The following NRXN1 variants were observed in gnomAD, a reference collection of about 807,000 sequenced individuals.
NRXN1 encodes the protein neurexin-1.
NRXN1 carries 39 observed loss-of-function variants against 150.9 expected under a neutral mutation model. The observed-to-expected ratio is 0.26, with a 90% CI of 0.20 to 0.34. NRXN1 has a LOEUF of 0.34. Ranked by LOEUF, NRXN1 falls within the 10% of genes least tolerant of loss-of-function variation. The pLI, the probability that NRXN1 is intolerant of heterozygous loss-of-function variation, is 1.00. For missense variants in NRXN1, 1,815 were observed against 1,949.9 expected (o/e 0.93, Z 1.30); for synonymous variants, 924 against 757.0 (o/e 1.22, Z -3.62).
intron 2 of NRXN1, among the ~76,000 whole-genome samples, chr2:50,948,220 A>C (rs962938676): frequency 6.6e-6 from 1 of 151,982 alleles, no homozygotes; most frequent in African/African-American, 2.4e-5. Flanking sequence ...AGAATTATTA[A>C]CATCTGAATA....
chr2:50,043,388 A>C (rs1175763845), intron 21 of NRXN1, among the ~76,000 whole-genome samples: 2 of 152,202 alleles, frequency 1.3e-5, no homozygotes, highest in Non-Finnish European at 2.9e-5. Context: ...GACCCTGTCA[A>C]GAAACATTAC....
chr2:49,971,020 C>T (rs1375196443), intron 21 of NRXN1, among the ~76,000 whole-genome samples: 1 of 152,070 alleles, frequency 6.6e-6, no homozygotes, highest in Admixed American at 6.6e-5. Flanking sequence ...GAATTAACAG[C>T]ACTAATTTTG....
intron 20 of NRXN1, among the ~76,000 whole-genome samples, chr2:50,054,296 C>T (rs1693261825): frequency 6.6e-6 from 1 of 151,848 alleles, no homozygotes; most frequent in Admixed American, 6.6e-5. Flanking sequence ...GAATGATACA[C>T]AAACCGATGG....
At chr2:50,810,911 C>T (rs913537662) in intron 5 of NRXN1, among the ~76,000 whole-genome samples, 4 of 151,428 alleles carry the variant, frequency 2.6e-5, no homozygotes, top group African/African-American at 7.3e-5. Flanking sequence ...ACTCGAGAGG[C>T]GGTGATTGCA....
chr2:50,971,704 A>G (rs1318973242), intron 2 of NRXN1, among the ~76,000 whole-genome samples: 1 of 152,148 alleles, frequency 6.6e-6, no homozygotes, highest in Non-Finnish European at 1.5e-5. Flanking sequence ...ACACACCTTC[A>G]AATTCTTTTT....
chr2:50,585,944 C>T (rs1488183709), intron 8 of NRXN1, among the ~76,000 whole-genome samples: 1 of 152,214 alleles, frequency 6.6e-6, no homozygotes, highest in Non-Finnish European at 1.5e-5. Flanking sequence ...TGGTAGGCAA[C>T]AACCATTTCA....
intron 17 of NRXN1, among the ~76,000 whole-genome samples, chr2:50,344,693 A>G (rs74424552): frequency 0.025 from 3,743 of 152,328 alleles, 72 homozygotes; most frequent in Non-Finnish European, 0.037. Flanking sequence ...TGACTGGGGC[A>G]GAAGCTTGCA....
chr2:50,397,195 C>T (rs1227455141), intron 17 of NRXN1, among the ~76,000 whole-genome samples: 1 of 152,058 alleles, frequency 6.6e-6, no homozygotes, highest in Non-Finnish European at 1.5e-5. Flanking sequence ...CTGGTCGATG[C>T]ATTTTGTAGT....
At position 50,053,491 on chromosome 2, in the gene NRXN1, T is replaced by C. The variant is rs370320873; in HGVS notation, c.3908A>G (p.Asn1303Ser). Residue 1303 changes from asparagine (N) to serine (S), a missense_variant, in exon 21 of 23, where the codon AAT becomes AGT. Physicochemically the swap from Asn to Ser is conservative, Grantham distance 46. Transcript: ENST00000401669. ...FQGQLSGLYYNGLKVLNMAAE... is the reference protein window; with the variant it reads ...FQGQLSGLYYSGLKVLNMAAE... ...TGCCATATTCAGAACTTTCAAGCCA[T>C]TGTAGTACAGCCCAGAGAGCTGGCC... The C allele has an allele frequency of 1.2e-6, 2 of 1,614,086 alleles. No homozygotes were observed. Among genetic ancestry groups the C allele is most frequent in the Non-Finnish European group, 1.7e-6 (2 of 1,179,944 alleles).
At chr2:50,845,638 G>A (rs975695126) in intron 5 of NRXN1, among the ~76,000 whole-genome samples, 1 of 152,098 alleles carries the variant, frequency 6.6e-6, no homozygotes, top group Admixed American at 6.5e-5. Flanking sequence ...TAACTCTACT[G>A]CCTAGAGTGG....
intron 5 of NRXN1, among the ~76,000 whole-genome samples, chr2:50,846,000 A>C (rs1013695990): frequency 5.3e-5 from 8 of 152,180 alleles, no homozygotes; most frequent in Non-Finnish European, 1.0e-4. Context: ...CTGGCTTTAG[A>C]GATTACTGTT....
chr2:50,443,883 G>A (rs967753650), intron 17 of NRXN1, among the ~76,000 whole-genome samples: 1 of 152,058 alleles, frequency 6.6e-6, no homozygotes. Flanking sequence ...CTGTCTTATA[G>A]ATTGCCATTT....
At chr2:50,472,217 T>A (rs756717617) in intron 16 of NRXN1, 81 bp downstream of exon 16, 108 of 1,240,270 alleles carry the variant, frequency 8.7e-5, no homozygotes, top group Non-Finnish European at 1.0e-4. Context: ...GTTATCAGAA[T>A]TTTGCTGGAC....
chr2:49,933,887 C>T (rs1013513297), intron 22 of NRXN1, among the ~76,000 whole-genome samples: 7 of 152,162 alleles, frequency 4.6e-5, no homozygotes, highest in African/African-American at 9.7e-5. Context: ...ATTATCTCCC[C>T]GGGAGTAGTT....
intron 21 of NRXN1, among the ~76,000 whole-genome samples, chr2:49,968,109 C>T (rs538662062): frequency 6.6e-6 from 1 of 150,880 alleles, no homozygotes; most frequent in Admixed American, 6.7e-5. Flanking sequence ...CCCAGACCCA[C>T]TCACACTCAC....
Position 50,497,440 on chromosome 2 carries a change from G to A in NRXN1, c.2772C>T (p.Tyr924=), listed in dbSNP as rs200182626. Residue 924 remains tyrosine (Y), a synonymous_variant, in exon 14 of 23, where the codon TAC becomes TAT. Coordinates refer to ENST00000401669, the MANE Select transcript of NRXN1 (RefSeq NM_001330078.2). ...SYVALATLQA[Y]TSMHLFFQFK... Reference sequence around the variant, plus strand: ...ACTGGAAAAAAAGATGCATAGAAGTGTAGGCTTGCAAGGTAGCTAAGGCAA... The same window carrying A: ...ACTGGAAAAAAAGATGCATAGAAGTATAGGCTTGCAAGGTAGCTAAGGCAA... 216 of 1,613,654 alleles carry A rather than the reference G, an allele frequency of 1.3e-4. No homozygotes were observed. The African/African-American group carries it at 2.7e-3, about 20-fold the overall frequency.
At chr2:49,963,643 C>T (rs1306796380) in intron 21 of NRXN1, among the ~76,000 whole-genome samples, 1 of 152,152 alleles carries the variant, frequency 6.6e-6, no homozygotes, top group Non-Finnish European at 1.5e-5. Context: ...AACACCAAAC[C>T]TTCAGACACA....
intron 5 of NRXN1, among the ~76,000 whole-genome samples, chr2:50,775,567 A>G (rs184398956): frequency 6.6e-5 from 10 of 152,302 alleles, no homozygotes; most frequent in Non-Finnish European, 1.0e-4. Flanking sequence ...CAGATAACAA[A>G]CAAAACTATA....
chr2:50,734,818 C>A (rs577612456), intron 5 of NRXN1, among the ~76,000 whole-genome samples: 64 of 151,842 alleles, frequency 4.2e-4, no homozygotes, highest in African/African-American at 1.4e-3. Flanking sequence ...GCAGAGCATA[C>A]ATTTCAGTAC....
Sources: allele counts gnomAD v4.1 joint callset (sites outside exome capture counted in the v4.1 genomes callset), GRCh38; gene constraint gnomAD v4.1.1; transcripts MANE v1.5; gene names NCBI Gene and HGNC (gene_info 2026-07-23, HGNC 2026-07-21).